Variants in SPAG16 observed in about 807,000 individuals in gnomAD.
SPAG16 encodes the protein sperm associated antigen 16.
SPAG16 carries 86 observed loss-of-function variants against 80.4 expected under a neutral mutation model. The observed-to-expected ratio is 1.07, with a 90% CI of 0.90 to 1.28. SPAG16 has a LOEUF of 1.28. SPAG16 is among the 50% of genes most tolerant of loss of function. The probability of loss-of-function intolerance (pLI) is 0.00; values close to 1 mark genes in which losing one functional copy is unlikely to be tolerated. For synonymous variants in SPAG16, 294 were observed against 265.9 expected (o/e 1.11, Z -1.03); for missense variants, 870 against 765.3 (o/e 1.14, Z -1.61).
At chr2:213,833,485 A>G (rs1295445397) in intron 10 of SPAG16, among the ~76,000 whole-genome samples, 1 of 3,014 alleles carries the variant, frequency 3.3e-4, no homozygotes, top group East Asian at 8.3e-3. Flanking sequence ...TAATATATAT[A>G]TTATATATAA....
chr2:213,636,827 T>A (rs1325423113), intron 10 of SPAG16, among the ~76,000 whole-genome samples: 1 of 152,206 alleles, frequency 6.6e-6, no homozygotes, highest in Non-Finnish European at 1.5e-5. Flanking sequence ...TTTACAGAAT[T>A]CATTTATCAT....
At chr2:213,771,446 C>CT (rs201385641) in intron 10 of SPAG16, among the ~76,000 whole-genome samples, 2 of 151,704 alleles carry the variant, frequency 1.3e-5, no homozygotes, top group Non-Finnish European at 2.9e-5. Flanking sequence ...TGCAGAAACT[C>CT]TTTTTTTTAA....
chr2:213,854,144 A>C (rs2075042358), intron 10 of SPAG16, among the ~76,000 whole-genome samples: 1 of 152,236 alleles, frequency 6.6e-6, no homozygotes, highest in Non-Finnish European at 1.5e-5. Context: ...AGAGTGACTT[A>C]ACATCATATA....
intron 15 of SPAG16, among the ~76,000 whole-genome samples, chr2:214,394,811 A>G (rs1471489108): frequency 6.6e-6 from 1 of 152,150 alleles, no homozygotes; most frequent in Non-Finnish European, 1.5e-5. Flanking sequence ...TCATGATACT[A>G]TGGTATCGCA....
At chr2:213,617,314 C>T (rs1446944199) in intron 10 of SPAG16, among the ~76,000 whole-genome samples, 1 of 152,154 alleles carries the variant, frequency 6.6e-6, no homozygotes, top group African/African-American at 2.4e-5. Flanking sequence ...TCTGTAATCT[C>T]AGCACTTTGG....
At chr2:214,242,221 G>A (rs1266163350) in intron 15 of SPAG16, among the ~76,000 whole-genome samples, 1 of 152,096 alleles carries the variant, frequency 6.6e-6, no homozygotes, top group Non-Finnish European at 1.5e-5. Context: ...CTTTCACCCA[G>A]TCACGAAACT....
chr2:213,303,592 T>C (rs1026230009), intron 3 of SPAG16, among the ~76,000 whole-genome samples: 3 of 152,122 alleles, frequency 2.0e-5, no homozygotes, highest in Non-Finnish European at 4.4e-5. Flanking sequence ...TTCAATTGTT[T>C]TACTTTCTAG....
At chr2:213,304,837 A>C (rs1202080975) in intron 3 of SPAG16, among the ~76,000 whole-genome samples, 3 of 152,032 alleles carry the variant, frequency 2.0e-5, no homozygotes. Flanking sequence ...TGTTCAGGAT[A>C]GCTTTGGCTA....
chr2:214,223,336 A>G (rs1243376976), intron 15 of SPAG16, among the ~76,000 whole-genome samples: 1 of 152,170 alleles, frequency 6.6e-6, no homozygotes, highest in East Asian at 1.9e-4. Context: ...TTCCTAGAAT[A>G]GTAATTTTCC....
intron 15 of SPAG16, among the ~76,000 whole-genome samples, chr2:214,358,157 A>T (rs1463544191): frequency 6.6e-6 from 1 of 151,890 alleles, no homozygotes; most frequent in Non-Finnish European, 1.5e-5. Context: ...GTCCATGTAA[A>T]AAGCATTCCC....
At chr2:213,849,199 GAGAA>G (rs1271632051) in intron 10 of SPAG16, among the ~76,000 whole-genome samples, 1 of 152,066 alleles carries the variant, frequency 6.6e-6, no homozygotes, top group Non-Finnish European at 1.5e-5. Context: ...GAGATGAAAC[GAGAA>G]AGAGTGGGGA....
At chr2:214,203,942 C>T (rs140930649) in intron 15 of SPAG16, among the ~76,000 whole-genome samples, 32 of 152,278 alleles carry the variant, frequency 2.1e-4, no homozygotes, top group Non-Finnish European at 3.4e-4. Flanking sequence ...AGCAAGTTCT[C>T]AGCTCTGCCT....
Position 213,859,217 on chromosome 2 carries a change from CT to C in SPAG16, c.1071-3267del, listed in dbSNP as rs2075316407. Among the ~76,000 whole-genome samples the C allele has an allele frequency of 3.9e-5, 2 of 50,732 alleles. 1 individual carries two copies. The highest frequency in any genetic ancestry group is 7.8e-5 in the Non-Finnish European group (2 of 25,636). The allele number at this position is 50,732 out of a possible 152,430, so 33.3% of individuals were successfully genotyped here. A position where few individuals can be genotyped will look rare whatever the true frequency, so the allele number is the denominator to read the frequency against. On this transcript the variant is annotated intron_variant, in intron 10 of 15. Transcript: ENST00000331683. ...AAAAAAAAAAAAAAAAAAAAAAAAA[CT>C]CAATGTCCTCTGACAACTTGATGTA...
intron 15 of SPAG16, among the ~76,000 whole-genome samples, chr2:214,335,405 CTA>C (rs1398764276): frequency 6.6e-6 from 1 of 152,022 alleles, no homozygotes; most frequent in East Asian, 1.9e-4. Flanking sequence ...TAAAAAATAA[CTA>C]TTTTTATTTA....
At chr2:213,590,452 A>C (rs1356375646) in intron 10 of SPAG16, among the ~76,000 whole-genome samples, 1 of 151,972 alleles carries the variant, frequency 6.6e-6, no homozygotes, top group African/African-American at 2.4e-5. Flanking sequence ...ACAAGAAAAA[A>C]AAAAAAACAA....
intron 10 of SPAG16, among the ~76,000 whole-genome samples, chr2:213,543,103 A>G (rs922095108): frequency 6.6e-6 from 1 of 152,052 alleles, no homozygotes; most frequent in Admixed American, 6.5e-5. Context: ...GAACAATTTT[A>G]TGGTCAATAA....
chr2:213,494,688 C>G (rs1367395694), intron 10 of SPAG16, among the ~76,000 whole-genome samples: 1 of 152,116 alleles, frequency 6.6e-6, no homozygotes, highest in Non-Finnish European at 1.5e-5. Flanking sequence ...ATCAGATTTC[C>G]TGCTTTAAAT....
chr2:214,215,225 A>T (rs141504141), intron 15 of SPAG16, among the ~76,000 whole-genome samples: 1 of 152,200 alleles, frequency 6.6e-6, no homozygotes, highest in South Asian at 2.1e-4. Flanking sequence ...CTCAGAAATG[A>T]CTAATGGAAC....
At chr2:214,242,142 T>A (rs1006236312) in intron 15 of SPAG16, among the ~76,000 whole-genome samples, 1 of 152,202 alleles carries the variant, frequency 6.6e-6, no homozygotes, top group African/African-American at 2.4e-5. Flanking sequence ...GTCTAATTCT[T>A]ATTTCAACCT....
Sources: gnomAD v4.1 joint callset for allele counts (sites outside exome capture counted in the v4.1 genomes callset) on GRCh38, gnomAD v4.1.1 for gene constraint, MANE v1.5 for transcripts, NCBI Gene and HGNC (gene_info 2026-07-23, HGNC 2026-07-21) for gene names.